The following TAFA5 variants were observed in gnomAD, a reference collection of about 807,000 sequenced individuals.
TAFA5 encodes the protein TAFA chemokine like family member 5, also known as chemokine-like protein TAFA-5.
Under a neutral mutation model 15.3 loss-of-function variants are expected in TAFA5, and 6 were observed. The observed-to-expected ratio is 0.39, with a 90% CI of 0.21 to 0.77. The LOEUF is 0.77. Among genes scored for constraint, TAFA5 ranks in the 30% least tolerant of loss-of-function variants. TAFA5 has a pLI of 0.41. For synonymous variants in TAFA5, 103 were observed against 80.7 expected (o/e 1.28, Z -1.48); for missense variants, 161 against 193.1 (o/e 0.83, Z 0.98).
At chr22:48,667,459 C>G (rs894715543) in intron 2 of TAFA5, among the ~76,000 whole-genome samples, 1 of 151,764 alleles carries the variant, frequency 6.6e-6, no homozygotes, top group Admixed American at 6.6e-5. Flanking sequence ...TCAATATTTG[C>G]AGTCTTATCG....
chr22:48,744,862 C>T (rs1439018310), intron 3 of TAFA5, among the ~76,000 whole-genome samples: 4 of 152,206 alleles, frequency 2.6e-5, no homozygotes, highest in Admixed American at 1.3e-4. Context: ...CAGGTTCAAG[C>T]GATTCTCCTG....
intron 1 of TAFA5, among the ~76,000 whole-genome samples, chr22:48,629,601 C>A (rs985365830): frequency 1.3e-5 from 2 of 152,214 alleles, no homozygotes; most frequent in African/African-American, 4.8e-5. Flanking sequence ...CAGGTTGGGT[C>A]ACACTGCATG....
rs540606566 is a variant in TAFA5, at chr22:48,713,304, G to C, written c.390+5460G>C. 3.8e-4 allele frequency among the ~76,000 whole-genome samples: 58 copies of C among 152,302 alleles called. No homozygotes were observed. The South Asian group carries it at 0.012, about 30-fold the overall frequency. On this transcript the variant is annotated intron_variant, in intron 3 of 3. Transcript: ENST00000402357. ...AGACGGCAGCTGCCGCTGATCTCGT[G>C]GGGGCTCGGATGTCTAAATTCCACC...
chr22:48,518,788 A>T (rs1921505423), intron 1 of TAFA5, among the ~76,000 whole-genome samples: 1 of 152,246 alleles, frequency 6.6e-6, no homozygotes, highest in Admixed American at 6.5e-5. Context: ...GCCCAGGGTC[A>T]CGCTGGGACA....
At chr22:48,630,731 G>A (rs1303823654) in intron 1 of TAFA5, among the ~76,000 whole-genome samples, 1 of 152,208 alleles carries the variant, frequency 6.6e-6, no homozygotes, top group Non-Finnish European at 1.5e-5. Flanking sequence ...TGGCTACCGG[G>A]GCCCTGAATC....
chr22:48,726,305 T>C (rs1333774223), intron 3 of TAFA5, among the ~76,000 whole-genome samples: 1 of 152,238 alleles, frequency 6.6e-6, no homozygotes, highest in Non-Finnish European at 1.5e-5. Context: ...TGGCATCAGG[T>C]TCAAGAGGTT....
At chr22:48,621,756 A>G (rs1026596278) in intron 1 of TAFA5, among the ~76,000 whole-genome samples, 1 of 152,122 alleles carries the variant, frequency 6.6e-6, no homozygotes, top group African/African-American at 2.4e-5. Flanking sequence ...CCTTGCAAAC[A>G]TACATGTGAC....
At chr22:48,577,731 C>T (rs1201116320) in intron 1 of TAFA5, among the ~76,000 whole-genome samples, 1 of 152,228 alleles carries the variant, frequency 6.6e-6, no homozygotes, top group African/African-American at 2.4e-5. Context: ...CCACTTCCCT[C>T]CCTTGCTTTT....
At chr22:48,616,491 C>A (rs1260292518) in intron 1 of TAFA5, among the ~76,000 whole-genome samples, 1 of 152,198 alleles carries the variant, frequency 6.6e-6, no homozygotes, top group African/African-American at 2.4e-5. Flanking sequence ...AATGCGTCAC[C>A]CGCCCATGCA....
intron 1 of TAFA5, among the ~76,000 whole-genome samples, chr22:48,599,705 G>A (rs1205346769): frequency 6.6e-6 from 1 of 152,268 alleles, no homozygotes; most frequent in Non-Finnish European, 1.5e-5. Context: ...CAGCCACACA[G>A]AGACGTGTTG....
chr22:48,512,500 C>G (rs984820092), intron 1 of TAFA5, among the ~76,000 whole-genome samples: 1 of 151,896 alleles, frequency 6.6e-6, no homozygotes, highest in African/African-American at 2.4e-5. Context: ...CCCAGCTACT[C>G]GGGAGGCTGA....
chr22:48,508,162 ACTGT>A lies in TAFA5; in HGVS notation c.112+18463_112+18466del, dbSNP rs200388933. On this transcript the variant is annotated intron_variant, in intron 1 of 3. Transcript: ENST00000402357. ...CCACTGTTTCTCTCTCAGGGAGGTG[ACTGT>A]CTGTGTGGGGGCTGCACTGTTCAGC... Among the ~76,000 whole-genome samples, 598 of 152,254 alleles carry A rather than the reference ACTGT, an allele frequency of 3.9e-3. 5 individuals carry two copies. The highest frequency in any genetic ancestry group is 0.014 in the African/African-American group (583 of 41,538).
intron 1 of TAFA5, among the ~76,000 whole-genome samples, chr22:48,567,073 G>C (rs1017377327): frequency 6.6e-6 from 1 of 152,218 alleles, no homozygotes; most frequent in South Asian, 2.1e-4. Context: ...TGCTGCTTCG[G>C]GGCATTTTCT....
chr22:48,594,835 C>T (rs575037573), intron 1 of TAFA5, among the ~76,000 whole-genome samples: 4 of 151,846 alleles, frequency 2.6e-5, no homozygotes, highest in African/African-American at 7.2e-5. Flanking sequence ...CTCTCAGCCC[C>T]GGAGGCAAGT....
chr22:48,630,058 C>A (rs1158748091), intron 1 of TAFA5, among the ~76,000 whole-genome samples: 1 of 152,196 alleles, frequency 6.6e-6, no homozygotes, highest in East Asian at 1.9e-4. Context: ...CTGGGAGGAA[C>A]TGACCTGACT....
At chr22:48,747,512 G>A (rs1428947298) in intron 3 of TAFA5, among the ~76,000 whole-genome samples, 3 of 152,182 alleles carry the variant, frequency 2.0e-5, no homozygotes, top group Non-Finnish European at 4.4e-5. Flanking sequence ...CTCGTCCCAG[G>A]GGTCCGTGGA....
chr22:48,542,064 TGTGTGTGTGC>T, intron 1 of TAFA5, among the ~76,000 whole-genome samples: 1 of 150,890 alleles, frequency 6.6e-6, no homozygotes, highest in South Asian at 2.1e-4. Flanking sequence ...GTGTGTGTGG[TGTGTGTGTGC>T]GTGTGTGTGT....
At chr22:48,578,996 T>A (rs933615273) in intron 1 of TAFA5, among the ~76,000 whole-genome samples, 1 of 152,086 alleles carries the variant, frequency 6.6e-6, no homozygotes, top group African/African-American at 2.4e-5. Context: ...TGGGCCTGAG[T>A]GGGAAAGAGC....
intron 1 of TAFA5, among the ~76,000 whole-genome samples, chr22:48,565,131 C>T (rs777256579): frequency 6.6e-5 from 10 of 152,162 alleles, no homozygotes; most frequent in Non-Finnish European, 1.2e-4. Flanking sequence ...TCACGGCAGG[C>T]GGGAGCGGAC....
Sources: allele counts gnomAD v4.1 joint callset (sites outside exome capture counted in the v4.1 genomes callset), GRCh38; gene constraint gnomAD v4.1.1; transcripts MANE v1.5; gene names NCBI Gene and HGNC (gene_info 2026-07-23, HGNC 2026-07-21).